TAFA1: variants seen among roughly 807,000 people sequenced by gnomAD.
The protein encoded by TAFA1 is TAFA chemokine like family member 1.
A neutral mutation model predicts 18.5 loss-of-function variants in TAFA1; 4 were observed. That is an observed-to-expected ratio of 0.22 (90% confidence interval 0.11 to 0.49). The LOEUF is 0.49. Ranked by LOEUF, TAFA1 falls within the 20% of genes least tolerant of loss-of-function variation. The probability of loss-of-function intolerance (pLI) is 0.98; values close to 1 mark genes in which losing one functional copy is unlikely to be tolerated. For synonymous variants in TAFA1, 56 were observed against 55.2 expected (o/e 1.01, Z -0.06); for missense variants, 147 against 169.0 (o/e 0.87, Z 0.72).
At position 68,084,034 on chromosome 3, in the gene TAFA1, A is replaced by G. The variant is rs148598577; in HGVS notation, c.118+77290A>G. Among the ~76,000 whole-genome samples the G allele has an allele frequency of 4.4e-3, 677 of 152,294 alleles. 6 individuals are homozygous for G. Among genetic ancestry groups the G allele is most frequent in the African/African-American group, 0.015 (620 of 41,572 alleles). The stretch of plus-strand genomic sequence containing the variant: ...GGCTCAGCTCATTCCTCTGTAAGCA[A>G]TGCTATTCATGCCAGTATACCACAT... On this transcript the variant is annotated intron_variant, in intron 2 of 4. Coordinates refer to ENST00000478136, the MANE Select transcript of TAFA1 (RefSeq NM_213609.4).
chr3:68,417,371 A>G lies in TAFA1; in HGVS notation c.210A>G (p.Leu70=), dbSNP rs368741961. 3 of 1,613,530 alleles carry G rather than the reference A, an allele frequency of 1.9e-6. No individual in the cohort carries two copies. In the South Asian group the frequency reaches 3.3e-5, roughly 18 times the overall value. The change falls in exon 3 of 5, where the codon CTA becomes CTG. Residue 70 remains leucine (L), a synonymous_variant. Transcript: ENST00000478136. ...ERSQTVKCSC[L]PGKVAGTTRN... ...CACAAACAGTAAAGTGTTCCTGTCT[A>G]CCTGGAAAAGTGGCTGGAACAACAA...
At chr3:68,525,283 C>A (rs767386435) in intron 3 of TAFA1, among the ~76,000 whole-genome samples, 2 of 152,062 alleles carry the variant, frequency 1.3e-5, no homozygotes, top group Non-Finnish European at 1.5e-5. Context: ...TCTGGTTTAG[C>A]GGGTTTGATA....
intron 3 of TAFA1, among the ~76,000 whole-genome samples, chr3:68,441,931 C>G (rs2071390213): frequency 6.6e-6 from 1 of 152,080 alleles, no homozygotes; most frequent in African/African-American, 2.4e-5. Flanking sequence ...AGCAGTGTAC[C>G]TGGCTGTGCA....
chr3:68,074,481 TTAAACTTCTTGAA>T (rs2064799746), intron 2 of TAFA1, among the ~76,000 whole-genome samples: 1 of 152,128 alleles, frequency 6.6e-6, no homozygotes, highest in Admixed American at 6.5e-5. Flanking sequence ...TGGGCAAATA[TTAAACTTCTTGAA>T]GTCTCAATTT....
At chr3:68,101,141 C>T (rs758204999) in intron 2 of TAFA1, among the ~76,000 whole-genome samples, 1 of 152,038 alleles carries the variant, frequency 6.6e-6, no homozygotes, top group Non-Finnish European at 1.5e-5. Flanking sequence ...AGTTATTTTT[C>T]CTGATCATCT....
At chr3:68,034,915 T>A (rs1452607933) in intron 2 of TAFA1, among the ~76,000 whole-genome samples, 1 of 152,184 alleles carries the variant, frequency 6.6e-6, no homozygotes, top group Non-Finnish European at 1.5e-5. Context: ...GCATTCATCC[T>A]TATATAGTGG....
At chr3:68,235,564 C>G (rs533324444) in intron 2 of TAFA1, among the ~76,000 whole-genome samples, 25 of 152,176 alleles carry the variant, frequency 1.6e-4, no homozygotes, top group African/African-American at 5.3e-4. Context: ...TGTATTGGCT[C>G]AATTTCTATT....
At chr3:68,512,558 T>C (rs952163101) in intron 3 of TAFA1, among the ~76,000 whole-genome samples, 5 of 152,160 alleles carry the variant, frequency 3.3e-5, no homozygotes, top group African/African-American at 1.2e-4. Flanking sequence ...TCTGTGCTCC[T>C]GACACAATAT....
At chr3:68,337,971 G>T (rs1229637658) in intron 2 of TAFA1, among the ~76,000 whole-genome samples, 2 of 152,190 alleles carry the variant, frequency 1.3e-5, no homozygotes, top group Non-Finnish European at 2.9e-5. Context: ...TGATCACTTA[G>T]TGGGTTTCTG....
At chr3:68,099,547 G>A (rs1024644956) in intron 2 of TAFA1, among the ~76,000 whole-genome samples, 2 of 152,028 alleles carry the variant, frequency 1.3e-5, no homozygotes, top group Non-Finnish European at 2.9e-5. Flanking sequence ...CACTCTTGGT[G>A]GGAAAATGAA....
intron 2 of TAFA1, among the ~76,000 whole-genome samples, chr3:68,178,584 T>A (rs2066156078): frequency 6.6e-6 from 1 of 152,138 alleles, no homozygotes; most frequent in Non-Finnish European, 1.5e-5. Context: ...ACAAACAGGC[T>A]GGAAAAAAAG....
intron 4 of TAFA1, among the ~76,000 whole-genome samples, chr3:68,543,446 T>A (rs1010097567): frequency 1.3e-5 from 2 of 151,960 alleles, no homozygotes; most frequent in Non-Finnish European, 2.9e-5. Context: ...AGTGAGAAAA[T>A]CAACAGTTAG....
Position 68,463,381 on chromosome 3 carries a change from C to CA in TAFA1, c.259+45963dup, listed in dbSNP as rs1261978799. Among the ~76,000 whole-genome samples the CA allele has an allele frequency of 2.6e-5, 4 of 152,260 alleles. No individual in the cohort carries two copies. The East Asian group carries it at 7.7e-4, about 29-fold the overall frequency. On this transcript the variant is annotated intron_variant, in intron 3 of 4. Coordinates refer to ENST00000478136, the MANE Select transcript of TAFA1 (RefSeq NM_213609.4). ...TTTCAGAACTGATTTAAACAACTTG[C>CA]AACTAAGATGCTGTCACTTATAAGG...
At chr3:68,336,924 A>G (rs1575787035) in intron 2 of TAFA1, among the ~76,000 whole-genome samples, 1 of 152,088 alleles carries the variant, frequency 6.6e-6, no homozygotes, top group Admixed American at 6.5e-5. Flanking sequence ...GGGTTTCACC[A>G]TCTTGTCCAG....
At chr3:68,086,429 G>A (rs1559515055) in intron 2 of TAFA1, among the ~76,000 whole-genome samples, 1 of 152,148 alleles carries the variant, frequency 6.6e-6, no homozygotes, top group South Asian at 2.1e-4. Context: ...AGCAGCATGT[G>A]TATTTTGTAT....
At chr3:68,337,114 T>C (rs766691246) in intron 2 of TAFA1, among the ~76,000 whole-genome samples, 1 of 151,944 alleles carries the variant, frequency 6.6e-6, no homozygotes. Context: ...CTCACACTTC[T>C]TTATAGAAAG....
intron 2 of TAFA1, among the ~76,000 whole-genome samples, chr3:68,011,148 G>T (rs1704463882): frequency 6.7e-6 from 1 of 149,840 alleles, no homozygotes; most frequent in African/African-American, 2.5e-5. Flanking sequence ...TGGGGGGGTG[G>T]GTGTCCTTGA....
intron 2 of TAFA1, among the ~76,000 whole-genome samples, chr3:68,068,322 A>G (rs2064709231): frequency 6.6e-6 from 1 of 152,204 alleles, no homozygotes; most frequent in South Asian, 2.1e-4. Context: ...ACTTTAATGC[A>G]TTCCTCATGG....
chr3:68,419,961 T>C (rs1266279934), intron 3 of TAFA1, among the ~76,000 whole-genome samples: 1 of 152,214 alleles, frequency 6.6e-6, no homozygotes, highest in African/African-American at 2.4e-5. Context: ...CCTAGTTCTC[T>C]CCTATGTAGA....
Sources: allele counts gnomAD v4.1 joint callset (sites outside exome capture counted in the v4.1 genomes callset), GRCh38; gene constraint gnomAD v4.1.1; transcripts MANE v1.5; gene names NCBI Gene and HGNC (gene_info 2026-07-23, HGNC 2026-07-21).